RORA: variants seen among roughly 807,000 people sequenced by gnomAD.
RORA encodes the protein nuclear receptor ROR-alpha.
RORA carries 7 observed loss-of-function variants against 69.5 expected under a neutral mutation model. That is an observed-to-expected ratio of 0.10 (90% confidence interval 0.06 to 0.19). The LOEUF is 0.19. Ranked by LOEUF, RORA falls within the 10% of genes least tolerant of loss-of-function variation. The pLI, the probability that RORA is intolerant of heterozygous loss-of-function variation, is 1.00. For missense variants in RORA, 457 were observed against 663.0 expected (o/e 0.69, Z 3.41); for synonymous variants, 261 against 240.8 (o/e 1.08, Z -0.78).
At chr15:61,173,328 CT>C (rs2079601372) in intron 1 of RORA, among the ~76,000 whole-genome samples, 1 of 152,236 alleles carries the variant, frequency 6.6e-6, no homozygotes, top group Non-Finnish European at 1.5e-5. Flanking sequence ...ACTGTGCAGC[CT>C]GAATTCATCC....
intron 1 of RORA, among the ~76,000 whole-genome samples, chr15:61,177,426 T>A (rs1197866378): frequency 6.6e-6 from 1 of 152,206 alleles, no homozygotes; most frequent in Non-Finnish European, 1.5e-5. Flanking sequence ...AGGGAAACTT[T>A]ATAAATCACT....
chr15:60,540,708 G>A (rs776559402), intron 2 of RORA, among the ~76,000 whole-genome samples: 17 of 152,072 alleles, frequency 1.1e-4, no homozygotes, highest in African/African-American at 3.9e-4. Context: ...CATGAGCTCC[G>A]ATGGCATTCT....
chr15:60,727,190 G>A (rs2071370848), intron 1 of RORA, among the ~76,000 whole-genome samples: 2 of 152,116 alleles, frequency 1.3e-5, no homozygotes, highest in African/African-American at 4.8e-5. Flanking sequence ...TGTTGTTATT[G>A]TTTTGTTTTG....
intron 1 of RORA, among the ~76,000 whole-genome samples, chr15:61,001,923 T>C (rs905533122): frequency 1.3e-5 from 2 of 151,792 alleles, no homozygotes; most frequent in African/African-American, 4.8e-5. Context: ...TCGGCTGAGG[T>C]GGGCAGGAGG....
At chr15:60,645,296 T>C (rs1433303130) in intron 2 of RORA, among the ~76,000 whole-genome samples, 6 of 150,204 alleles carry the variant, frequency 4.0e-5, no homozygotes, top group Non-Finnish European at 8.9e-5. Flanking sequence ...AGAAGATGGA[T>C]GAGAGTGGCA....
chr15:60,737,726 T>C (rs1159514674), intron 1 of RORA, among the ~76,000 whole-genome samples: 1 of 152,222 alleles, frequency 6.6e-6, no homozygotes, highest in Non-Finnish European at 1.5e-5. Context: ...AGATATCCCC[T>C]GCATTCCATA....
At chr15:60,704,473 T>C (rs1276757708) in intron 1 of RORA, among the ~76,000 whole-genome samples, 1 of 152,180 alleles carries the variant, frequency 6.6e-6, no homozygotes, top group African/African-American at 2.4e-5. Flanking sequence ...ATAAAAACAA[T>C]GGCCAGGGCT....
chr15:60,841,017 A>G, intron 1 of RORA: 1 of 863,012 alleles, frequency 1.2e-6, no homozygotes, highest in Non-Finnish European at 1.4e-6. Context: ...ACGATACCTT[A>G]CGGAAGCCAG....
chr15:61,000,650 A>G lies in RORA; in HGVS notation c.166+228403T>C, dbSNP rs184136857. 2.0e-4 allele frequency among the ~76,000 whole-genome samples: 31 copies of G among 152,244 alleles called. 1 individual carries two copies. The East Asian group carries it at 5.8e-3, about 28-fold the overall frequency. On this transcript the variant is annotated intron_variant, in intron 1 of 10. Transcript: ENST00000335670. Reference sequence around the variant, plus strand: ...AGACCTGGTGAGTGAAGGTTAGTGGAATTGGGGTGGTTTTGACCTCAGAAG... The same window carrying G: ...AGACCTGGTGAGTGAAGGTTAGTGGGATTGGGGTGGTTTTGACCTCAGAAG...
intron 1 of RORA, among the ~76,000 whole-genome samples, chr15:60,866,747 G>A (rs2073491822): frequency 6.6e-6 from 1 of 152,156 alleles, no homozygotes; most frequent in African/African-American, 2.4e-5. Flanking sequence ...TGCTGGGAGG[G>A]TGGCATGCCC....
intron 1 of RORA, among the ~76,000 whole-genome samples, chr15:60,729,024 T>C (rs995744087): frequency 2.0e-5 from 3 of 152,330 alleles, no homozygotes; most frequent in African/African-American, 7.2e-5. Flanking sequence ...CAACTCCCTT[T>C]GTTGGGGTTT....
At chr15:61,143,907 A>G (rs2079322625) in intron 1 of RORA, among the ~76,000 whole-genome samples, 1 of 152,234 alleles carries the variant, frequency 6.6e-6, no homozygotes, top group South Asian at 2.1e-4. Flanking sequence ...TCAAAAGAGA[A>G]AGAAAAAAAT....
intron 1 of RORA, among the ~76,000 whole-genome samples, chr15:60,945,916 T>A (rs1187510196): frequency 6.6e-6 from 1 of 152,194 alleles, no homozygotes; most frequent in East Asian, 1.9e-4. Context: ...ACACAGGTGA[T>A]GATGCTCATA....
At chr15:61,114,516 G>A (rs2079033446) in intron 1 of RORA, among the ~76,000 whole-genome samples, 1 of 152,138 alleles carries the variant, frequency 6.6e-6, no homozygotes, top group African/African-American at 2.4e-5. Flanking sequence ...AATGTTTGTT[G>A]CTGTGACTGC....
At chr15:60,993,087 T>C (rs1214341915) in intron 1 of RORA, among the ~76,000 whole-genome samples, 1 of 152,218 alleles carries the variant, frequency 6.6e-6, no homozygotes, top group African/African-American at 2.4e-5. Context: ...AGGTAATAGC[T>C]GTCTATTTAC....
At chr15:60,721,569 C>A (rs2071294031) in intron 1 of RORA, among the ~76,000 whole-genome samples, 1 of 152,214 alleles carries the variant, frequency 6.6e-6, no homozygotes, top group East Asian at 1.9e-4. Context: ...GGCAGGCAGA[C>A]CTGGGTACCC....
chr15:61,087,896 G>C (rs1297635702), intron 1 of RORA, among the ~76,000 whole-genome samples: 1 of 152,238 alleles, frequency 6.6e-6, no homozygotes, highest in Non-Finnish European at 1.5e-5. Context: ...TTGTCACAGT[G>C]CTTGAAAAGT....
chr15:61,006,168 A>G (rs1038391425), intron 1 of RORA, among the ~76,000 whole-genome samples: 2 of 151,686 alleles, frequency 1.3e-5, no homozygotes, highest in Non-Finnish European at 2.9e-5. Context: ...GGGATTTCAC[A>G]GTGTTGGCCA....
At chr15:61,111,424 T>C (rs2079005271) in intron 1 of RORA, among the ~76,000 whole-genome samples, 1 of 152,200 alleles carries the variant, frequency 6.6e-6, no homozygotes, top group Non-Finnish European at 1.5e-5. Flanking sequence ...TCAAATAACA[T>C]TGATTTGGTG....
Sources: gnomAD v4.1 joint callset for allele counts (sites outside exome capture counted in the v4.1 genomes callset) on GRCh38, gnomAD v4.1.1 for gene constraint, MANE v1.5 for transcripts, NCBI Gene and HGNC (gene_info 2026-07-23, HGNC 2026-07-21) for gene names.